Variants in XPNPEP3 observed in about 807,000 individuals in gnomAD.
XPNPEP3 encodes X-prolyl aminopeptidase 3, also known as xaa-Pro aminopeptidase 3.
In XPNPEP3, 41 loss-of-function variants were observed where a neutral mutation model predicts 60.0. The ratio of observed to expected loss-of-function variants is 0.68; its 90% CI spans 0.53 to 0.89. The LOEUF is 0.89. Ranked by LOEUF, XPNPEP3 falls within the 40% of genes least tolerant of loss-of-function variation. The pLI is 0.00. For synonymous variants in XPNPEP3, 212 were observed against 223.2 expected (o/e 0.95, Z 0.45); for missense variants, 598 against 638.9 (o/e 0.94, Z 0.69).
intron 9 of XPNPEP3, among the ~76,000 whole-genome samples, 159 bp from the exon 10 acceptor site, chr22:40,926,110 A>G (rs532655597): frequency 6.6e-5 from 10 of 152,254 alleles, no homozygotes; most frequent in African/African-American, 2.2e-4. Context: ...CCACTTTGAC[A>G]TGTATTATCT....
At chr22:40,887,615 C>A (rs1158332883) in intron 4 of XPNPEP3, among the ~76,000 whole-genome samples, 1 of 152,046 alleles carries the variant, frequency 6.6e-6, no homozygotes, top group African/African-American at 2.4e-5. Context: ...CCTAATTTAA[C>A]CTTAACTACC....
At chr22:40,869,696 A>G (rs927285231) in intron 2 of XPNPEP3, among the ~76,000 whole-genome samples, 3 of 152,198 alleles carry the variant, frequency 2.0e-5, no homozygotes, top group Non-Finnish European at 2.9e-5. Context: ...TTTTTCTGCT[A>G]TAAGATCCCA....
At chr22:40,885,755 C>T (rs908594974) in intron 3 of XPNPEP3, among the ~76,000 whole-genome samples, 2 of 152,094 alleles carry the variant, frequency 1.3e-5, no homozygotes, top group East Asian at 1.9e-4. Flanking sequence ...GAGACTGAGG[C>T]GGGTGGATCA....
rs2058249333 is a variant in XPNPEP3, at chr22:40,930,113, G to GT, written c.*3684dup. ...ATATTAGCTTTTTTTTTTTTTAAAGGTTTTTTGTGGGGTTTTTTTGTTTTT... is the reference window on the plus strand; with the variant it reads ...ATATTAGCTTTTTTTTTTTTTAAAGGTTTTTTTGTGGGGTTTTTTTGTTTTT... On this transcript the variant is annotated 3_prime_UTR_variant, in exon 10 of 10. Transcript: ENST00000357137. 1 of 149,096 alleles carries GT rather than the reference G, an allele frequency of 6.7e-6. No homozygotes were observed. The highest frequency in any genetic ancestry group is 1.5e-5 in the Non-Finnish European group (1 of 67,316). The allele number at this position is 149,096 out of a possible 1,614,324, so 9.2% of individuals were successfully genotyped here. A position where few individuals can be genotyped will look rare whatever the true frequency, so the allele number is the denominator to read the frequency against.
intron 1 of XPNPEP3, chr22:40,860,501 C>G (rs1291339009): frequency 9.4e-6 from 5 of 534,424 alleles, no homozygotes; most frequent in Non-Finnish European, 1.5e-5. Flanking sequence ...ATTGTGTAGT[C>G]TGAACCTGTG....
chr22:40,863,131 T>C (rs960036057), intron 1 of XPNPEP3, among the ~76,000 whole-genome samples: 2 of 152,220 alleles, frequency 1.3e-5, no homozygotes, highest in Middle Eastern at 3.2e-3. Context: ...CTAGCACTTA[T>C]TTCAAGTACA....
At chr22:40,899,817 CAAAAA>C (rs1336628860) in intron 4 of XPNPEP3, among the ~76,000 whole-genome samples, 1 of 54,252 alleles carries the variant, frequency 1.8e-5, no homozygotes, top group Admixed American at 2.3e-4. Flanking sequence ...GACTCTATCT[CAAAAA>C]AAAAAAAAAA....
intron 9 of XPNPEP3, 84 bp downstream of exon 9, chr22:40,924,566 C>G: frequency 6.4e-7 from 1 of 1,561,286 alleles, no homozygotes; most frequent in Admixed American, 1.9e-5. Context: ...CTCTTTCGCC[C>G]AGGCTGGAGT....
intron 7 of XPNPEP3, among the ~76,000 whole-genome samples, chr22:40,918,009 TAAA>T (rs34474574): frequency 3.2e-5 from 4 of 124,936 alleles, no homozygotes; most frequent in African/African-American, 6.5e-5. Context: ...AGACTCTGTC[TAAA>T]AAAAAAAAAA....
At chr22:40,900,307 G>GA (rs895306237) in intron 4 of XPNPEP3, among the ~76,000 whole-genome samples, 2,174 of 96,736 alleles carry the variant, frequency 0.022, 15 homozygotes, top group African/African-American at 0.035. Flanking sequence ...ACAGCCTTAG[G>GA]AAAAAAAAAA....
intron 1 of XPNPEP3, among the ~76,000 whole-genome samples, chr22:40,858,406 C>G (rs2057917725): frequency 6.6e-6 from 1 of 152,066 alleles, no homozygotes; most frequent in South Asian, 2.1e-4. Context: ...TTGAAAGGCT[C>G]TCCCCAGCCT....
intron 4 of XPNPEP3, among the ~76,000 whole-genome samples, chr22:40,898,224 CATTTTTTTTTTTTT>C: frequency 1.4e-5 from 1 of 70,256 alleles, no homozygotes; most frequent in Non-Finnish European, 2.8e-5. Context: ...GTCTTTGACC[CATTTTTTTTTTTTT>C]TTTTTTTTTT....
At chr22:40,862,325 C>A in intron 1 of XPNPEP3, 1 of 1,036,484 alleles carries the variant, frequency 9.6e-7, no homozygotes, top group Non-Finnish European at 1.2e-6. Flanking sequence ...AAGCTTCAGG[C>A]AGTGCCTCAT....
At chr22:40,885,810 C>T (rs947003338) in intron 3 of XPNPEP3, among the ~76,000 whole-genome samples, 3 of 152,082 alleles carry the variant, frequency 2.0e-5, no homozygotes, top group Non-Finnish European at 1.5e-5. Context: ...GGTGAAACCT[C>T]ATCTCTACTG....
chr22:40,903,316 C>G (rs2058141971), intron 4 of XPNPEP3, among the ~76,000 whole-genome samples: 1 of 152,122 alleles, frequency 6.6e-6, no homozygotes, highest in African/African-American at 2.4e-5. Context: ...TTTTCCTTAA[C>G]CATTCCTCAT....
chr22:40,884,908 A>T (rs2058062604), intron 3 of XPNPEP3, among the ~76,000 whole-genome samples: 1 of 151,672 alleles, frequency 6.6e-6, no homozygotes, highest in African/African-American at 2.4e-5. Context: ...TGCGCCTGTA[A>T]TCCCAGCTAC....
chr22:40,909,654 A>G (rs1477486802), intron 6 of XPNPEP3, among the ~76,000 whole-genome samples: 1 of 151,702 alleles, frequency 6.6e-6, no homozygotes, highest in Non-Finnish European at 1.5e-5. Flanking sequence ...AATCCCAGCT[A>G]CTCTGGAGGC....
chr22:40,881,456 C>CAA (rs371356285), intron 2 of XPNPEP3, among the ~76,000 whole-genome samples: 41 of 120,124 alleles, frequency 3.4e-4, no homozygotes, highest in Non-Finnish European at 5.0e-4. Flanking sequence ...AACTCTGTCT[C>CAA]AAAAAAAAAA....
At chr22:40,898,117 T>TCCTGAGTA (rs1601508939) in intron 4 of XPNPEP3, among the ~76,000 whole-genome samples, 2 of 151,698 alleles carry the variant, frequency 1.3e-5, no homozygotes, top group East Asian at 3.8e-4. Context: ...TTGTTAACTG[T>TCCTGAGTA]GCTTTTGGTG....
Sources: gnomAD v4.1 joint callset for allele counts (sites outside exome capture counted in the v4.1 genomes callset) on GRCh38, gnomAD v4.1.1 for gene constraint, MANE v1.5 for transcripts, NCBI Gene and HGNC (gene_info 2026-07-23, HGNC 2026-07-21) for gene names.